Variants in DTHD1 observed in about 807,000 individuals in gnomAD.
DTHD1 encodes death domain-containing protein 1.
Under a neutral mutation model 74.8 loss-of-function variants are expected in DTHD1, and 59 were observed. The ratio of observed to expected loss-of-function variants is 0.79; its 90% CI spans 0.64 to 0.98. The LOEUF is 0.98. Ranked by LOEUF, DTHD1 falls within the 50% of genes least tolerant of loss-of-function variation. The probability of loss-of-function intolerance (pLI) is 0.00; values close to 1 mark genes in which losing one functional copy is unlikely to be tolerated. For synonymous variants in DTHD1, 365 were observed against 371.1 expected (o/e 0.98, Z 0.19); for missense variants, 1,051 against 1,065.4 (o/e 0.99, Z 0.19).
intron 3 of DTHD1, among the ~76,000 whole-genome samples, chr4:36,292,387 A>G (rs964639025): frequency 6.6e-6 from 1 of 152,180 alleles, no homozygotes; most frequent in African/African-American, 2.4e-5. Flanking sequence ...ACAGGCGTGA[A>G]TTTTTCTCTT....
At chr4:36,322,299 T>C (rs1758077072) in intron 8 of DTHD1, among the ~76,000 whole-genome samples, 1 of 152,162 alleles carries the variant, frequency 6.6e-6, no homozygotes, top group South Asian at 2.1e-4. Flanking sequence ...AGATGCTCAA[T>C]AAACATGAGT....
At chr4:36,287,225 A>G (rs1179773782) in intron 2 of DTHD1, among the ~76,000 whole-genome samples, 3 of 152,166 alleles carry the variant, frequency 2.0e-5, no homozygotes, top group African/African-American at 7.2e-5. Flanking sequence ...GAGAAAATAA[A>G]ATGTTTGTTT....
chr4:36,288,055 T>C (rs1755822911), intron 2 of DTHD1, among the ~76,000 whole-genome samples: 1 of 152,174 alleles, frequency 6.6e-6, no homozygotes, highest in South Asian at 2.1e-4. Context: ...AGTCTTTGCT[T>C]AAGCCTATGT....
chr4:36,294,878 G>A lies in DTHD1; in HGVS notation c.1482G>A (p.Leu494=). The change falls in exon 5 of 10, where the codon CTG becomes CTA. Residue 494 remains leucine, a synonymous_variant. Coordinates refer to ENST00000639862, the MANE Select transcript of DTHD1 (RefSeq NM_001170700.3). ...TFYSVQSTSP[L]IHIQHPSTYP... ...ACTCAGTCCAATCCACAAGCCCTCT[G>A]ATTCACATTCAGCACCCATCAACTT... is the stretch of plus-strand genomic sequence containing the variant. 1 of 1,551,890 alleles carries A rather than the reference G, an allele frequency of 6.4e-7. No individual in the cohort carries two copies. Among genetic ancestry groups the A allele is most frequent in the Non-Finnish European group, 8.7e-7 (1 of 1,146,802 alleles).
chr4:36,339,297 T>TA, intron 9 of DTHD1, 128 bp downstream of exon 9: 1 of 618,662 alleles, frequency 1.6e-6, no homozygotes, highest in Non-Finnish European at 2.6e-6. Context: ...TTAACTTTAT[T>TA]GGCCTAATAA....
chr4:36,329,125 C>T (rs553805955), intron 8 of DTHD1, among the ~76,000 whole-genome samples: 1 of 152,328 alleles, frequency 6.6e-6, no homozygotes, highest in East Asian at 1.9e-4. Flanking sequence ...TCCTTACGTC[C>T]ACCACTTTTA....
chr4:36,286,550 T>C (rs1755724189), intron 2 of DTHD1, among the ~76,000 whole-genome samples: 1 of 152,182 alleles, frequency 6.6e-6, no homozygotes, highest in African/African-American at 2.4e-5. Context: ...TCCTGGTGTA[T>C]ACAAAAAGGG....
At chr4:36,289,814 C>A (rs1755948047) in intron 2 of DTHD1, among the ~76,000 whole-genome samples, 1 of 151,820 alleles carries the variant, frequency 6.6e-6, no homozygotes, top group Admixed American at 6.6e-5. Flanking sequence ...TATAAGTAAT[C>A]TTTGCCTAAT....
intron 5 of DTHD1, among the ~76,000 whole-genome samples, chr4:36,302,520 G>A (rs1370932949): frequency 6.6e-6 from 1 of 152,074 alleles, no homozygotes; most frequent in Admixed American, 6.5e-5. Flanking sequence ...TACAGAGTTT[G>A]TCATAAAATA....
rs1252197615 is a variant in DTHD1, at chr4:36,310,906, C to T, written c.2095+2413C>T. On this transcript the variant is annotated intron_variant, in intron 7 of 9. Transcript: ENST00000639862. ...GAAGGAAGGGTGGAAGAGGCCCCTT[C>T]CTACTTGGCTTCCGGAGCAGAAACC... 3.3e-5 allele frequency among the ~76,000 whole-genome samples: 5 copies of T among 152,236 alleles called. No individual in the cohort carries two copies. The South Asian group carries it at 8.3e-4, about 25-fold the overall frequency.
intron 2 of DTHD1, among the ~76,000 whole-genome samples, chr4:36,286,529 C>T (rs1334033911): frequency 6.6e-6 from 1 of 152,200 alleles, no homozygotes; most frequent in Non-Finnish European, 1.5e-5. Flanking sequence ...CAACCTATCT[C>T]TTCCTAGCTG....
intron 2 of DTHD1, among the ~76,000 whole-genome samples, chr4:36,289,623 A>G (rs1755934296): frequency 6.6e-6 from 1 of 152,180 alleles, no homozygotes; most frequent in Non-Finnish European, 1.5e-5. Flanking sequence ...ACTACTTAAT[A>G]GAAAGCAGCA....
In DTHD1 at chr4:36,284,684, C is replaced by A; in HGVS notation, c.887+93C>A. The A allele has an allele frequency of 3.1e-6, 3 of 978,224 alleles. 1 individual carries two copies. Among genetic ancestry groups the A allele is most frequent in the South Asian group, 3.7e-5 (2 of 53,778 alleles). The allele number at this position is 978,224 out of a possible 1,614,324, so 60.6% of individuals were successfully genotyped here. ...ATGTCTTAGTTCATTCAGGCTGCTA[C>A]AACAAAACATCATAAAGTGAGTAGC... On this transcript the variant is annotated intron_variant, in intron 2 of 9. Transcript: ENST00000639862.
rs1369548958 is a variant in DTHD1 at position 36,284,424 on chromosome 4, T to G, written c.720T>G (p.His240Gln). Residue 240 changes from histidine (H) to glutamine (Q), a missense_variant, in exon 2 of 10, where the codon CAT becomes CAG. Coordinates refer to ENST00000639862, the MANE Select transcript of DTHD1 (RefSeq NM_001170700.3). ...ENINGNREET[H>Q]GIIQTTETEI... Reference sequence around the variant, plus strand: ...TAAATGGCAACAGGGAAGAGACTCATGGCATAATTCAGACAACAGAGACAG... The same window carrying G: ...TAAATGGCAACAGGGAAGAGACTCAGGGCATAATTCAGACAACAGAGACAG... 6.5e-7 allele frequency: 1 copy of G among 1,537,094 alleles called. No homozygotes were observed. The highest frequency in any genetic ancestry group is 2.0e-5 in the Admixed American group (1 of 50,992).
chr4:36,318,123 C>T (rs1463924636), intron 8 of DTHD1, among the ~76,000 whole-genome samples: 1 of 152,180 alleles, frequency 6.6e-6, no homozygotes, highest in Non-Finnish European at 1.5e-5. Flanking sequence ...GAAACTGAGG[C>T]ACAGAAATTT....
rs1560827524 is a variant in DTHD1, at chr4:36,346,742, T to C, written c.*2918T>C. Among the ~76,000 whole-genome samples the C allele has an allele frequency of 6.6e-6, 1 of 152,110 alleles. No individual in the cohort carries two copies. The highest frequency in any genetic ancestry group is 2.4e-5 in the African/African-American group (1 of 41,526). The stretch of plus-strand genomic sequence containing the variant: ...AGACAGGAGGAAGGAGAGTGAATTA[T>C]ACCATTCCCCTTTTCCTCCCTGTGC... On this transcript the variant is annotated 3_prime_UTR_variant, in exon 10 of 10. Transcript: ENST00000639862.
intron 2 of DTHD1, among the ~76,000 whole-genome samples, chr4:36,285,363 T>G (rs1246592342): frequency 6.6e-6 from 1 of 152,162 alleles, no homozygotes; most frequent in African/African-American, 2.4e-5. Flanking sequence ...TCATTATGAG[T>G]TTTAAACCCG....
At chr4:36,323,192 A>G (rs1241628201) in intron 8 of DTHD1, among the ~76,000 whole-genome samples, 2 of 152,130 alleles carry the variant, frequency 1.3e-5, no homozygotes, top group Admixed American at 6.5e-5. Flanking sequence ...TTTTAAACTG[A>G]ACTCCTGACA....
At chr4:36,343,416 C>G in intron 9 of DTHD1, 86 bp from the exon 10 acceptor site, 1 of 1,282,970 alleles carries the variant, frequency 7.8e-7, no homozygotes, top group Non-Finnish European at 1.1e-6. Context: ...AGCAGGGAGA[C>G]TTCCTATAAA....
Sources: gnomAD v4.1 joint callset for allele counts (sites outside exome capture counted in the v4.1 genomes callset) on GRCh38, gnomAD v4.1.1 for gene constraint, MANE v1.5 for transcripts, NCBI Gene and HGNC (gene_info 2026-07-23, HGNC 2026-07-21) for gene names.